Variants in DLGAP2 observed in about 807,000 individuals in gnomAD.
The protein encoded by DLGAP2 is DLG associated protein 2.
Under a neutral mutation model 100.3 loss-of-function variants are expected in DLGAP2, and 26 were observed. The ratio of observed to expected loss-of-function variants is 0.26; its 90% CI spans 0.19 to 0.36. The LOEUF (loss-of-function observed/expected upper bound fraction) is 0.36, where lower values mean the gene tolerates loss of function less well. DLGAP2 is among the 10% of genes least tolerant of loss of function. DLGAP2 has a pLI of 1.00. For synonymous variants in DLGAP2, 886 were observed against 630.1 expected (o/e 1.41, Z -6.08); for missense variants, 1,858 against 1,453.2 (o/e 1.28, Z -4.53).
At chr8:1,211,336 A>T (rs1798100359) in intron 2 of DLGAP2, among the ~76,000 whole-genome samples, 1 of 152,218 alleles carries the variant, frequency 6.6e-6, no homozygotes, top group Non-Finnish European at 1.5e-5. Context: ...TGCAGGGGTA[A>T]TGAACACCAC....
At chr8:806,061 A>T (rs1291537920) in intron 1 of DLGAP2, among the ~76,000 whole-genome samples, 1 of 152,202 alleles carries the variant, frequency 6.6e-6, no homozygotes, top group Non-Finnish European at 1.5e-5. Flanking sequence ...TTTTGCCAAG[A>T]TTGTTTGGAA....
intron 2 of DLGAP2, among the ~76,000 whole-genome samples, chr8:1,092,682 C>T (rs1358921339): frequency 6.6e-6 from 1 of 152,164 alleles, no homozygotes; most frequent in African/African-American, 2.4e-5. Context: ...GCTGAGGTTT[C>T]AGGGTTGGTT....
At chr8:1,175,965 G>A (rs1797243951) in intron 2 of DLGAP2, among the ~76,000 whole-genome samples, 2 of 152,186 alleles carry the variant, frequency 1.3e-5, no homozygotes, top group African/African-American at 2.4e-5. Flanking sequence ...CGCAGATGTG[G>A]GAGCTGGCAC....
intron 2 of DLGAP2, among the ~76,000 whole-genome samples, chr8:971,651 C>A (rs1023372558): frequency 6.6e-6 from 1 of 152,184 alleles, no homozygotes; most frequent in Non-Finnish European, 1.5e-5. Flanking sequence ...AGGTGAAGAT[C>A]ATAGAAAAAT....
At chr8:1,635,736 T>C (rs1426857363) in intron 8 of DLGAP2, among the ~76,000 whole-genome samples, 2 of 152,270 alleles carry the variant, frequency 1.3e-5, no homozygotes, top group Non-Finnish European at 2.9e-5. Flanking sequence ...ACTACAAATG[T>C]ATAATATTCA....
chr8:838,750 C>G (rs1304468467), intron 1 of DLGAP2, among the ~76,000 whole-genome samples: 1 of 152,102 alleles, frequency 6.6e-6, no homozygotes, highest in Non-Finnish European at 1.5e-5. Flanking sequence ...GAAGAACTTT[C>G]TTTAATGAGA....
At chr8:1,051,521 A>G (rs1022696362) in intron 2 of DLGAP2, among the ~76,000 whole-genome samples, 3 of 152,270 alleles carry the variant, frequency 2.0e-5, no homozygotes, top group East Asian at 1.9e-4. Context: ...TAAAGATGAC[A>G]TACGCAGAGT....
intron 2 of DLGAP2, among the ~76,000 whole-genome samples, chr8:1,078,056 G>A (rs1803682223): frequency 6.6e-6 from 1 of 152,028 alleles, no homozygotes; most frequent in African/African-American, 2.4e-5. Flanking sequence ...AAATCCCACC[G>A]GGACCCGGTG....
chr8:1,636,876 A>T (rs7016994), intron 8 of DLGAP2, among the ~76,000 whole-genome samples: 55,876 of 152,244 alleles, frequency 0.37, 13,467 homozygotes, highest in African/African-American at 0.69. Context: ...AGCTGGGCTG[A>T]TCATAAAACG....
At chr8:1,338,042 T>C (rs371849036) in intron 3 of DLGAP2, among the ~76,000 whole-genome samples, 1 of 152,352 alleles carries the variant, frequency 6.6e-6, no homozygotes, top group East Asian at 1.9e-4. Flanking sequence ...ATGACAAGTA[T>C]TGCTGAGGAC....
At chr8:1,173,399 T>G (rs1188813972) in intron 2 of DLGAP2, among the ~76,000 whole-genome samples, 1 of 152,182 alleles carries the variant, frequency 6.6e-6, no homozygotes, top group Non-Finnish European at 1.5e-5. Context: ...GGAGAACCAC[T>G]GCTCTCTTCA....
Position 1,354,220 on chromosome 8 carries a change from C to T in DLGAP2, c.106+95337C>T, listed in dbSNP as rs143246049. Among the ~76,000 whole-genome samples, 504 of 152,244 alleles carry T rather than the reference C, an allele frequency of 3.3e-3. 1 individual carries two copies. Among genetic ancestry groups the T allele is most frequent in the South Asian group, 3.1e-3 (15 of 4,818 alleles). On this transcript the variant is annotated intron_variant, in intron 3 of 14. Coordinates refer to ENST00000637795, the MANE Select transcript of DLGAP2 (RefSeq NM_001346810.2). The stretch of plus-strand genomic sequence containing the variant: ...TAATTTAAGAAAAAGAAAATACTTA[C>T]GGAGGCCAGGCACGGTGGCTCAAAC...
chr8:1,249,282 C>T lies in DLGAP2; in HGVS notation c.74-9569C>T, dbSNP rs530129699. Reference sequence around the variant, plus strand: ...CTCAGAAATGGGCCACTGGGCCTCTCTGTGGGTCCCGTGGGAAGGTCTCAG... The same window carrying T: ...CTCAGAAATGGGCCACTGGGCCTCTTTGTGGGTCCCGTGGGAAGGTCTCAG... On this transcript the variant is annotated intron_variant, in intron 2 of 14. Coordinates refer to ENST00000637795, the MANE Select transcript of DLGAP2 (RefSeq NM_001346810.2). Among the ~76,000 whole-genome samples the T allele has an allele frequency of 9.2e-5, 14 of 152,252 alleles. No homozygotes were observed. The East Asian group carries it at 2.1e-3, about 23-fold the overall frequency.
At chr8:989,266 C>A (rs564956586) in intron 2 of DLGAP2, among the ~76,000 whole-genome samples, 1 of 152,280 alleles carries the variant, frequency 6.6e-6, no homozygotes, top group South Asian at 2.1e-4. Context: ...GAGCACCCCT[C>A]CCCACTTCAC....
At chr8:961,679 G>C (rs572318549) in intron 2 of DLGAP2, among the ~76,000 whole-genome samples, 2 of 152,264 alleles carry the variant, frequency 1.3e-5, no homozygotes, top group Admixed American at 1.3e-4. Context: ...TAACATACTA[G>C]TATTTTTATT....
intron 2 of DLGAP2, among the ~76,000 whole-genome samples, chr8:1,193,209 A>C (rs1797676859): frequency 6.6e-6 from 1 of 152,096 alleles, no homozygotes; most frequent in South Asian, 2.1e-4. Flanking sequence ...TGCTGGGTCA[A>C]ATGGTATTTC....
intron 3 of DLGAP2, among the ~76,000 whole-genome samples, chr8:1,486,425 G>C (rs3958402): frequency 0.062 from 9,374 of 152,266 alleles, 928 homozygotes; most frequent in African/African-American, 0.21. Context: ...GTTTATAAAG[G>C]ACTGCCATGT....
intron 3 of DLGAP2, among the ~76,000 whole-genome samples, chr8:1,408,097 A>T (rs1309894652): frequency 2.6e-5 from 4 of 152,224 alleles, no homozygotes; most frequent in African/African-American, 9.6e-5. Flanking sequence ...GTCTCCTGAG[A>T]ACAGCTGGTC....
intron 3 of DLGAP2, among the ~76,000 whole-genome samples, chr8:1,360,642 C>T (rs1801962079): frequency 6.6e-6 from 1 of 152,180 alleles, no homozygotes; most frequent in South Asian, 2.1e-4. Flanking sequence ...TGCACACCCC[C>T]CACATCCTGA....
Sources: gnomAD v4.1 joint callset for allele counts (sites outside exome capture counted in the v4.1 genomes callset) on GRCh38, gnomAD v4.1.1 for gene constraint, MANE v1.5 for transcripts, NCBI Gene and HGNC (gene_info 2026-07-23, HGNC 2026-07-21) for gene names.